Variants in GNAO1 observed in about 807,000 individuals in gnomAD.
GNAO1 encodes G protein subunit alpha o1.
For synonymous variants in GNAO1, 164 were observed against 180.7 expected (o/e 0.91, Z 0.74); for missense variants, 166 against 478.7 (o/e 0.35, Z 6.10).
chr16:56,195,730 T>C (rs555678263), intron 2 of GNAO1, among the ~76,000 whole-genome samples: 1 of 152,358 alleles, frequency 6.6e-6, no homozygotes, highest in Non-Finnish European at 1.5e-5. Context: ...TGCAGTCTAA[T>C]AGCTCAGCAC....
chr16:56,309,145 C>T (rs2037429234), intron 3 of GNAO1, among the ~76,000 whole-genome samples: 1 of 152,142 alleles, frequency 6.6e-6, no homozygotes. Flanking sequence ...GCTGTGGGGA[C>T]AGACAGGCAG....
In GNAO1 at chr16:56,336,722, C is replaced by T. The variant is rs1426086195; in HGVS notation, c.594-9C>T. Reference sequence around the variant, plus strand: ...GACCCTGCGCCTACCAGCTCCCTGCCTCCTACAGGCTGTTTGACGTCGGAG... The same window carrying T: ...GACCCTGCGCCTACCAGCTCCCTGCTTCCTACAGGCTGTTTGACGTCGGAG... On this transcript the variant is annotated splice_polypyrimidine_tract_variant and intron_variant, in intron 5 of 8. Coordinates refer to ENST00000262493, the MANE Select transcript of GNAO1 (RefSeq NM_020988.3). 1.9e-6 allele frequency: 3 copies of T among 1,607,256 alleles called. No individual in the cohort carries two copies. The highest frequency in any genetic ancestry group is 2.5e-6 in the Non-Finnish European group (3 of 1,177,440).
rs139326844 is a variant in GNAO1 at position 56,208,990 on chromosome 16, G to C, written c.161+16374G>C. Among the ~76,000 whole-genome samples the C allele has an allele frequency of 2.0e-5, 3 of 151,776 alleles. No homozygotes were observed. In the East Asian group the frequency reaches 5.8e-4, roughly 29 times the overall value. ...ACAGATATTTCTCTTTTTTAATGTA[G>C]TCATTCTTTCAGTCTCCCTCTTTTT... On this transcript the variant is annotated intron_variant, in intron 2 of 8. Coordinates refer to ENST00000262493, the MANE Select transcript of GNAO1 (RefSeq NM_020988.3).
At chr16:56,348,552 G>A (rs2037894181) in intron 6 of GNAO1, among the ~76,000 whole-genome samples, 1 of 152,232 alleles carries the variant, frequency 6.6e-6, no homozygotes, top group African/African-American at 2.4e-5. Flanking sequence ...TGGAGGTCTA[G>A]GGGGTTGGCT....
intron 3 of GNAO1, among the ~76,000 whole-genome samples, chr16:56,324,130 C>T (rs1254599385): frequency 2.6e-5 from 4 of 152,210 alleles, no homozygotes; most frequent in Non-Finnish European, 5.9e-5. Flanking sequence ...AATCATTTAT[C>T]CCAGATGTCC....
At chr16:56,210,816 C>G (rs2036379345) in intron 2 of GNAO1, among the ~76,000 whole-genome samples, 1 of 152,192 alleles carries the variant, frequency 6.6e-6, no homozygotes, top group South Asian at 2.1e-4. Flanking sequence ...TTTTGGATAA[C>G]AGCCTTTTAT....
At chr16:56,286,183 A>G (rs762600098) in intron 3 of GNAO1, among the ~76,000 whole-genome samples, 9 of 152,094 alleles carry the variant, frequency 5.9e-5, no homozygotes, top group South Asian at 2.1e-4. Context: ...GCCACTTTCC[A>G]TCCTCCCGCT....
chr16:56,246,010 C>T (rs1486684731), intron 2 of GNAO1, among the ~76,000 whole-genome samples: 2 of 152,192 alleles, frequency 1.3e-5, no homozygotes, highest in Non-Finnish European at 2.9e-5. Flanking sequence ...GCCCTGCTTC[C>T]TCCCAGCTGA....
chr16:56,202,092 G>A (rs2036286415), intron 2 of GNAO1, among the ~76,000 whole-genome samples: 1 of 152,082 alleles, frequency 6.6e-6, no homozygotes, highest in African/African-American at 2.4e-5. Flanking sequence ...AGGAACCTGT[G>A]AGGGAAACTG....
intron 4 of GNAO1, among the ~76,000 whole-genome samples, chr16:56,330,534 T>G (rs1192429002): frequency 1.3e-5 from 2 of 152,000 alleles, no homozygotes; most frequent in East Asian, 3.9e-4. Context: ...ATCTTCCTAC[T>G]CCCCCCACCA....
chr16:56,241,669 T>C (rs574099689), intron 2 of GNAO1, among the ~76,000 whole-genome samples: 128 of 152,364 alleles, frequency 8.4e-4, no homozygotes, highest in African/African-American at 3.0e-3. Flanking sequence ...AAATGAAGCA[T>C]AATGGTATAG....
At chr16:56,348,759 G>A (rs190299647) in intron 6 of GNAO1, among the ~76,000 whole-genome samples, 1 of 152,236 alleles carries the variant, frequency 6.6e-6, no homozygotes, top group South Asian at 2.1e-4. Context: ...TCTCAGTGCC[G>A]GCGCCTCCCC....
At chr16:56,346,292 G>A in intron 6 of GNAO1, 2 of 985,468 alleles carry the variant, frequency 2.0e-6, no homozygotes, top group Non-Finnish European at 2.4e-6. Context: ...CGTCGTGGAT[G>A]TGGATGTGGG....
intron 6 of GNAO1, among the ~76,000 whole-genome samples, chr16:56,350,909 ACACACAGGCACG>A (rs1303718534): frequency 2.6e-5 from 4 of 152,314 alleles, no homozygotes; most frequent in Non-Finnish European, 5.9e-5. Flanking sequence ...ACACAGGCAC[ACACACAGGCACG>A]CACACACACT....
In GNAO1 at chr16:56,215,237, C is replaced by A. The variant is rs527671288; in HGVS notation, c.161+22621C>A. ...TCTCCAGTTCTGTAATTCTTTTACACAGGATGTCTGTACCCCACCATTAAG... is the reference window on the plus strand; with the variant it reads ...TCTCCAGTTCTGTAATTCTTTTACAAAGGATGTCTGTACCCCACCATTAAG... On this transcript the variant is annotated intron_variant, in intron 2 of 8. Transcript: ENST00000262493. 6.6e-5 allele frequency among the ~76,000 whole-genome samples: 10 copies of A among 152,338 alleles called. No homozygotes were observed. In the East Asian group the frequency reaches 1.9e-3, roughly 29 times the overall value.
chr16:56,352,133 C>G (rs549240901), intron 7 of GNAO1: 1 of 153,308 alleles, frequency 6.5e-6, no homozygotes, highest in Non-Finnish European at 1.5e-5. Context: ...CCCCTTCTTC[C>G]TTCGTCCCTG....
intron 6 of GNAO1, among the ~76,000 whole-genome samples, chr16:56,349,232 T>C (rs1370309906): frequency 6.6e-6 from 1 of 152,170 alleles, no homozygotes; most frequent in African/African-American, 2.4e-5. Context: ...CTCAGGTCAC[T>C]CTAGTGGCTG....
chr16:56,250,826 C>A (rs761909517), intron 2 of GNAO1, among the ~76,000 whole-genome samples: 4 of 152,196 alleles, frequency 2.6e-5, no homozygotes, highest in South Asian at 2.1e-4. Flanking sequence ...CAGGAAGAGT[C>A]TTAATGCTTC....
intron 7 of GNAO1, chr16:56,353,197 C>T (rs1171529477): frequency 5.2e-5 from 8 of 152,478 alleles, no homozygotes; most frequent in Non-Finnish European, 1.2e-4. Flanking sequence ...GCAGCCACTC[C>T]TGACCTCTCC....
Sources: allele counts gnomAD v4.1 joint callset (sites outside exome capture counted in the v4.1 genomes callset), GRCh38; gene constraint gnomAD v4.1.1; transcripts MANE v1.5; gene names NCBI Gene and HGNC (gene_info 2026-07-23, HGNC 2026-07-21).